The following DNAJB6 variants were observed in gnomAD, a reference collection of about 807,000 sequenced individuals.
DNAJB6 encodes the protein dnaJ homolog subfamily B member 6.
In DNAJB6, 16 loss-of-function variants were observed where a neutral mutation model predicts 42.7. The ratio of observed to expected loss-of-function variants is 0.37; its 90% CI spans 0.25 to 0.57. The LOEUF is 0.57. Ranked by LOEUF, DNAJB6 falls within the 20% of genes least tolerant of loss-of-function variation. The pLI, the probability that DNAJB6 is intolerant of heterozygous loss-of-function variation, is 0.74. For synonymous variants in DNAJB6, 170 were observed against 163.5 expected, an observed-to-expected ratio of 1.04 and a Z score of -0.30; for missense variants, 347 against 416.8, an observed-to-expected ratio of 0.83 and a Z score of 1.46.
chr7:157,340,998 G>GTGCGCGCGCGCACT (rs67210462), intron 1 of DNAJB6, among the ~76,000 whole-genome samples: 2 of 134,958 alleles, frequency 1.5e-5, no homozygotes. Flanking sequence ...GTGTGTGTGT[G>GTGCGCGCGCGCACT]CGCGCGCGCA....
Position 157,398,811 on chromosome 7 carries a change from C to T in DNAJB6, c.692-10984C>T, listed in dbSNP as rs185946086. 2.8e-4 allele frequency among the ~76,000 whole-genome samples: 43 copies of T among 152,140 alleles called. 1 individual carries two copies. Among genetic ancestry groups the T allele is most frequent in the African/African-American group, 1.0e-3 (42 of 41,504 alleles). On this transcript the variant is annotated intron_variant, in intron 8 of 9. Transcript: ENST00000262177. ...ACACAGGAAGAAGCAGAAATTATAC[C>T]CAAACAGTAAATTATCTATGGGCTG...
At chr7:157,360,929 C>T (rs928687619) in intron 2 of DNAJB6, among the ~76,000 whole-genome samples, 1 of 152,152 alleles carries the variant, frequency 6.6e-6, no homozygotes, top group Non-Finnish European at 1.5e-5. Context: ...TTTACACTTG[C>T]ATATCGTGTT....
chr7:157,369,575 C>T (rs1291647400), intron 5 of DNAJB6: 3 of 333,284 alleles, frequency 9.0e-6, no homozygotes, highest in Non-Finnish European at 1.8e-5. Context: ...TATTATTAAA[C>T]AGGCCGTTTC....
At chr7:157,381,429 T>C (rs971699306) in intron 5 of DNAJB6, 10 of 152,208 alleles carry the variant, frequency 6.6e-5, no homozygotes, top group Admixed American at 3.9e-4. Context: ...TAAAAAGGTT[T>C]GTATGCTTTA....
At chr7:157,378,668 C>T (rs868075790) in intron 5 of DNAJB6, 2 of 152,252 alleles carry the variant, frequency 1.3e-5, no homozygotes. Context: ...CTTAGTTCCA[C>T]GTTTTGGGAT....
intron 1 of DNAJB6, among the ~76,000 whole-genome samples, chr7:157,351,657 ACAAC>A (rs143329820): frequency 0.47 from 69,339 of 148,932 alleles, 16,802 homozygotes; most frequent in Admixed American, 0.55. Flanking sequence ...AACAACAACA[ACAAC>A]AAAAAAAACC....
At chr7:157,382,990 C>G (rs1006644130) in intron 6 of DNAJB6, among the ~76,000 whole-genome samples, 1 of 148,808 alleles carries the variant, frequency 6.7e-6, no homozygotes, top group Non-Finnish European at 1.5e-5. Flanking sequence ...CACAAAGGAG[C>G]TTTTTTTTTT....
At position 157,346,930 on chromosome 7, in the gene DNAJB6, A is replaced by C. The variant is rs1436391910; in HGVS notation, c.-27+9786A>C. ...CAGTGCAGTGGTGCGATCTCGGCGC[A>C]CTGCAAGCTCCACCTCTCGGGTTCA... On this transcript the variant is annotated intron_variant, in intron 1 of 9. Transcript: ENST00000262177. 4.6e-5 allele frequency among the ~76,000 whole-genome samples: 7 copies of C among 152,206 alleles called. 1 individual carries two copies. In the South Asian group the frequency reaches 1.5e-3, roughly 32 times the overall value.
At chr7:157,342,416 C>T (rs567841335) in intron 1 of DNAJB6, among the ~76,000 whole-genome samples, 3 of 137,158 alleles carry the variant, frequency 2.2e-5, no homozygotes, top group African/African-American at 8.2e-5. Flanking sequence ...CAGCTCACTG[C>T]AACCTCTGCC....
At chr7:157,361,351 G>GT (rs1381998957) in intron 2 of DNAJB6, among the ~76,000 whole-genome samples, 2 of 152,088 alleles carry the variant, frequency 1.3e-5, no homozygotes, top group Non-Finnish European at 2.9e-5. Flanking sequence ...TAGAGACGGG[G>GT]TTTCACCATG....
intron 8 of DNAJB6, among the ~76,000 whole-genome samples, chr7:157,398,621 G>A (rs144868068): frequency 1.3e-5 from 2 of 151,726 alleles, no homozygotes; most frequent in East Asian, 1.9e-4. Context: ...TTTGGCTTGA[G>A]GGGGGGGATG....
intron 1 of DNAJB6, among the ~76,000 whole-genome samples, chr7:157,355,992 A>G (rs537076025): frequency 1.2e-4 from 19 of 152,298 alleles, no homozygotes; most frequent in Admixed American, 6.5e-4. Context: ...TCCCACCACC[A>G]TATGCACAAA....
chr7:157,384,961 A>G lies in DNAJB6; in HGVS notation c.573A>G (p.Ile191Met). 1.2e-6 allele frequency: 2 copies of G among 1,614,132 alleles called. No homozygotes were observed. The highest frequency in any genetic ancestry group is 2.2e-5 in the East Asian group (1 of 44,882). The change falls in exon 7 of 10, where the codon ATA (isoleucine) becomes ATG (methionine). Residue 191 changes from isoleucine (I) to methionine (M), a missense_variant. Physicochemically the swap from Ile to Met is conservative, Grantham distance 10. Coordinates refer to ENST00000262177, the MANE Select transcript of DNAJB6 (RefSeq NM_058246.4). ...GGSGMGNFKS[I>M]STSTKMVNGR... ...GTGGCATGGGCAACTTCAAATCGAT[A>G]TCAACTTCAACTAAAATGGTTAATG...
At chr7:157,401,844 C>T (rs1173446807) in intron 8 of DNAJB6, among the ~76,000 whole-genome samples, 2 of 152,250 alleles carry the variant, frequency 1.3e-5, no homozygotes, top group African/African-American at 4.8e-5. Context: ...TCTCCACGCG[C>T]CCTTCCCAGA....
chr7:157,364,166 C>CT (rs1281246493), intron 3 of DNAJB6, among the ~76,000 whole-genome samples: 2 of 151,868 alleles, frequency 1.3e-5, no homozygotes, highest in Admixed American at 6.6e-5. Flanking sequence ...GATTGCGCCA[C>CT]TGCACTCCAG....
intron 5 of DNAJB6, among the ~76,000 whole-genome samples, chr7:157,372,631 G>A (rs1800272021): frequency 6.6e-6 from 1 of 152,158 alleles, no homozygotes. Flanking sequence ...GAGGGAGGTG[G>A]CAGCCCTGAA....
chr7:157,361,132 A>T (rs1287408572), intron 2 of DNAJB6, among the ~76,000 whole-genome samples: 1 of 147,258 alleles, frequency 6.8e-6, no homozygotes, highest in Non-Finnish European at 1.5e-5. Flanking sequence ...TTTCTGGCAC[A>T]TTTAGGGTTA....
intron 6 of DNAJB6, among the ~76,000 whole-genome samples, chr7:157,383,147 C>G (rs1234597509): frequency 6.6e-6 from 1 of 152,128 alleles, no homozygotes; most frequent in Non-Finnish European, 1.5e-5. Context: ...GCTGGGATCA[C>G]AGGTGTGCAC....
intron 8 of DNAJB6, among the ~76,000 whole-genome samples, chr7:157,388,189 A>G (rs1801169123): frequency 6.6e-6 from 1 of 152,134 alleles, no homozygotes; most frequent in African/African-American, 2.4e-5. Flanking sequence ...TAGAAGTGTA[A>G]TTTTATTAAG....
Sources: allele counts gnomAD v4.1 joint callset (sites outside exome capture counted in the v4.1 genomes callset), GRCh38; gene constraint gnomAD v4.1.1; transcripts MANE v1.5; gene names NCBI Gene and HGNC (gene_info 2026-07-23, HGNC 2026-07-21).